The following CHAF1A variants were observed in gnomAD, a reference collection of about 807,000 sequenced individuals.
CHAF1A encodes the protein chromatin assembly factor 1 subunit A.
In CHAF1A, 5 loss-of-function variants were observed where a neutral mutation model predicts 93.2. The ratio of observed to expected loss-of-function variants is 0.05; its 90% CI spans 0.03 to 0.11. The LOEUF is 0.11. Among genes scored for constraint, CHAF1A ranks in the 10% least tolerant of loss-of-function variants. CHAF1A has a pLI of 1.00. For synonymous variants in CHAF1A, 504 were observed against 510.3 expected (o/e 0.99, Z 0.17); for missense variants, 1,102 against 1,259.9 (o/e 0.87, Z 1.90).
At chr19:4,447,362 G>A (rs1974556120), downstream of CHAF1A, 6 of 616,078 alleles carry the variant, frequency 9.7e-6, no homozygotes, top group South Asian at 3.7e-5. Flanking sequence ...TGGGGTGACC[G>A]GTGCATAAAA....
At chr19:4,445,626 G>T (rs1974493309), downstream of CHAF1A, 1 of 1,612,546 alleles carries the variant, frequency 6.2e-7, no homozygotes. Flanking sequence ...GAGGGCACCT[G>T]CGGTAGGGGT....
intron 2 of CHAF1A, among the ~76,000 whole-genome samples, chr19:4,408,317 C>T (rs1243414805): frequency 2.0e-5 from 3 of 151,264 alleles, no homozygotes; most frequent in Non-Finnish European, 2.9e-5. Flanking sequence ...CTCAGTCTCC[C>T]GAGTAGCTGG....
chr19:4,444,516 CT>C (rs1974460430), downstream of CHAF1A: 1 of 152,492 alleles, frequency 6.6e-6, no homozygotes, highest in Non-Finnish European at 1.5e-5. Flanking sequence ...CATCCCTCAG[CT>C]CGGGGTCCCT....
At position 4,422,562 on chromosome 19, in the gene CHAF1A, G is replaced by T; in HGVS notation, c.1018-4G>T. On this transcript the variant is annotated splice_region_variant and splice_polypyrimidine_tract_variant and intron_variant, in intron 4 of 14. Transcript: ENST00000301280. This position sits in a 1 kb window ranked among gnomAD's most constrained non-coding sequence, Gnocchi z 4.6. ...CACCTGTCACTTGCCACACTGTCTT[G>T]TAGGATCAGGAGCGTCTGGGCAAGC... 2 of 1,561,252 alleles carry T rather than the reference G, an allele frequency of 1.3e-6. No homozygotes were observed. The highest frequency in any genetic ancestry group is 1.7e-6 in the Non-Finnish European group (2 of 1,152,248).
chr19:4,442,200 G>A (rs764304142), intron 13 of CHAF1A, 45 bp from the exon 14 acceptor site: 4 of 1,507,656 alleles, frequency 2.7e-6, no homozygotes, highest in East Asian at 4.5e-5. Flanking sequence ...GCACCAGGGT[G>A]GCTGCTGCCT....
downstream of CHAF1A, chr19:4,448,392 G>A (rs953439135): frequency 2.6e-5 from 41 of 1,589,516 alleles, no homozygotes; most frequent in Admixed American, 3.5e-5. Flanking sequence ...TGATGGAGGC[G>A]GCCACTGGGT....
downstream of CHAF1A, chr19:4,446,534 T>C: frequency 6.2e-7 from 1 of 1,611,862 alleles, no homozygotes; most frequent in South Asian, 1.1e-5. Context: ...TCCTCTGCTG[T>C]GAGGTTGAAG....
At position 4,422,486 on chromosome 19, in the gene CHAF1A, C is replaced by A; in HGVS notation, c.1018-80C>A. On this transcript the variant is annotated intron_variant, in intron 4 of 14. Transcript: ENST00000301280. The surrounding 1 kb of genome is among the most constrained non-coding windows in gnomAD (Gnocchi z 4.6). ...TTCTGTTCATCCCGTCCAGGCCGTG[C>A]TGTCCTCCATGCTGTGAACCGAGCT... is the stretch of plus-strand genomic sequence containing the variant. The A allele has an allele frequency of 7.9e-7, 1 of 1,271,912 alleles. No homozygotes were observed. The highest frequency in any genetic ancestry group is 1.1e-6 in the Non-Finnish European group (1 of 899,530). 78.8% of individuals were successfully genotyped at this position (1,271,912 alleles called of 1,614,324 possible).
At chr19:4,450,756 CT>C in the CHAF1A span, 1 of 24,436 alleles carries the variant, frequency 4.1e-5, no homozygotes. Context: ...GAGACTCTGT[CT>C]CAAAAAAAAA....
At chr19:4,423,059 G>A (rs2145106855) in intron 5 of CHAF1A, among the ~76,000 whole-genome samples, 1 of 152,294 alleles carries the variant, frequency 6.6e-6, no homozygotes, top group South Asian at 2.1e-4. Flanking sequence ...AACCAACTTA[G>A]GCATTTGCAT....
intron 13 of CHAF1A, among the ~76,000 whole-genome samples, chr19:4,441,280 G>C (rs1291757616): frequency 2.6e-5 from 4 of 152,028 alleles, no homozygotes; most frequent in Non-Finnish European, 5.9e-5. Context: ...TCGCACCACT[G>C]CACTCCAGCC....
At chr19:4,404,752 G>A (rs1398974570) in intron 1 of CHAF1A, among the ~76,000 whole-genome samples, 1 of 152,198 alleles carries the variant, frequency 6.6e-6, no homozygotes, top group Non-Finnish European at 1.5e-5. Context: ...CTCCTGGTAA[G>A]TGTGAGCTTC....
At chr19:4,430,683 C>T in intron 11 of CHAF1A, 42 bp downstream of exon 11, 1 of 1,608,938 alleles carries the variant, frequency 6.2e-7, no homozygotes, top group African/African-American at 1.3e-5. Flanking sequence ...AGCAAAAGTT[C>T]ATTTCTGGAC....
intron 3 of CHAF1A, among the ~76,000 whole-genome samples, chr19:4,415,379 A>T (rs1010252438): frequency 2.0e-5 from 3 of 152,068 alleles, no homozygotes; most frequent in Admixed American, 6.6e-5. Flanking sequence ...CTCACAGCAG[A>T]GGGGGGGCAT....
chr19:4,411,761 C>T (rs892901590), intron 3 of CHAF1A, among the ~76,000 whole-genome samples: 1 of 148,522 alleles, frequency 6.7e-6, no homozygotes, highest in Non-Finnish European at 1.5e-5. Flanking sequence ...GATTTTCCTG[C>T]GTCAGCCTCT....
At chr19:4,414,939 T>G (rs1204940255) in intron 3 of CHAF1A, among the ~76,000 whole-genome samples, 4 of 152,216 alleles carry the variant, frequency 2.6e-5, no homozygotes, top group Non-Finnish European at 5.9e-5. Flanking sequence ...TGGTCTGGGC[T>G]TAGAAATTAG....
intron 13 of CHAF1A, among the ~76,000 whole-genome samples, chr19:4,441,976 A>C (rs893749270): frequency 5.3e-5 from 8 of 152,254 alleles, no homozygotes; most frequent in Non-Finnish European, 8.8e-5. Context: ...ACTGACTGGA[A>C]ATTATTCTGC....
At position 4,428,733 on chromosome 19, in the gene CHAF1A, C is replaced by T. The variant is rs1974128016; in HGVS notation, c.1447C>T (p.Arg483Cys). 10 of 1,614,076 alleles carry T rather than the reference C, an allele frequency of 6.2e-6. No individual in the cohort carries two copies. The highest frequency in any genetic ancestry group is 2.2e-5 in the South Asian group (2 of 91,092). Residue 483 changes from arginine to cysteine, a missense_variant, in exon 8 of 15, where the codon CGT becomes TGT. By Grantham distance (180) the Arg-to-Cys change is radical. Coordinates refer to ENST00000301280, the MANE Select transcript of CHAF1A (RefSeq NM_005483.3). ...AGAGCACATGGTCCTGGCCCCTCGGCGTCGGACCGCTTTCCATCCAGACCT... is the reference window on the plus strand; with the variant it reads ...AGAGCACATGGTCCTGGCCCCTCGGTGTCGGACCGCTTTCCATCCAGACCT... ...IKEHMVLAPR[R>C]RTAFHPDLCS...
chr19:4,445,442 G>A (rs977661766), downstream of CHAF1A: 1 of 1,607,312 alleles, frequency 6.2e-7, no homozygotes, highest in South Asian at 1.1e-5. Context: ...GGCGGGGAGA[G>A]GAACAGGGAG....
Sources: gnomAD v4.1 joint callset for allele counts (sites outside exome capture counted in the v4.1 genomes callset) on GRCh38, gnomAD v4.1.1 for gene constraint, Gnocchi (gnomAD v3.1) non-coding constraint, MANE v1.5 for transcripts, NCBI Gene and HGNC (gene_info 2026-07-23, HGNC 2026-07-21) for gene names.